Variants in MLLT3 observed in about 807,000 individuals in gnomAD.
MLLT3 encodes MLLT3 super elongation complex subunit, also known as protein AF-9.
A neutral mutation model predicts 53.2 loss-of-function variants in MLLT3; 4 were observed. That is an observed-to-expected ratio of 0.08 (90% confidence interval 0.04 to 0.17). MLLT3 has a LOEUF of 0.17. Ranked by LOEUF, MLLT3 falls within the 10% of genes least tolerant of loss-of-function variation. The probability of loss-of-function intolerance (pLI) is 1.00; values close to 1 mark genes in which losing one functional copy is unlikely to be tolerated. For missense variants in MLLT3, 569 were observed against 684.0 expected, an observed-to-expected ratio of 0.83 and a Z score of 1.87; for synonymous variants, 283 against 230.6, an observed-to-expected ratio of 1.23 and a Z score of -2.06.
intron 5 of MLLT3, among the ~76,000 whole-genome samples, chr9:20,384,461 T>C (rs1460905976): frequency 1.3e-5 from 2 of 152,092 alleles, no homozygotes; most frequent in Non-Finnish European, 2.9e-5. Context: ...GGTTTTGTTA[T>C]ACATAGAAGT....
chr9:20,588,505 C>T (rs10964626), intron 2 of MLLT3, among the ~76,000 whole-genome samples: 127,413 of 152,066 alleles, frequency 0.84, 53,584 homozygotes, highest in African/African-American at 0.89. Context: ...GTTTGTAACC[C>T]CTTTTATTTC....
rs3780828 is a variant in MLLT3, at chr9:20,367,761, G to C, written c.1126-2017C>G. ...AGAACAAATCTTTTTAATTCAAGGTGACCAAATTTGAGGACAAACTAAGAG... is the reference window on the plus strand; with the variant it reads ...AGAACAAATCTTTTTAATTCAAGGTCACCAAATTTGAGGACAAACTAAGAG... On this transcript the variant is annotated intron_variant, in intron 5 of 10. Coordinates refer to ENST00000380338, the MANE Select transcript of MLLT3 (RefSeq NM_004529.4). Among the ~76,000 whole-genome samples the C allele has an allele frequency of 1.2e-3, 186 of 152,152 alleles. 1 individual carries two copies. Among genetic ancestry groups the C allele is most frequent in the Non-Finnish European group, 1.4e-3 (94 of 68,008 alleles).
At chr9:20,526,332 TC>T (rs1465045017) in intron 2 of MLLT3, among the ~76,000 whole-genome samples, 2 of 152,240 alleles carry the variant, frequency 1.3e-5, no homozygotes, top group African/African-American at 4.8e-5. Context: ...CCAGAAGCCT[TC>T]CCCAGTACCC....
chr9:20,531,829 A>G (rs1818345576), intron 2 of MLLT3, among the ~76,000 whole-genome samples: 1 of 152,164 alleles, frequency 6.6e-6, no homozygotes, highest in African/African-American at 2.4e-5. Context: ...ATTCCCAAGA[A>G]AGCCTCTCAA....
At chr9:20,446,558 G>A (rs1241950047) in intron 4 of MLLT3, among the ~76,000 whole-genome samples, 4 of 152,048 alleles carry the variant, frequency 2.6e-5, no homozygotes, top group Non-Finnish European at 4.4e-5. Context: ...GAAGCATGAC[G>A]TACTAAAGTT....
chr9:20,616,039 A>G (rs183741043), intron 2 of MLLT3, among the ~76,000 whole-genome samples: 1 of 152,136 alleles, frequency 6.6e-6, no homozygotes, highest in East Asian at 1.9e-4. Flanking sequence ...TTAATTTCTA[A>G]TACACTAAAA....
intron 3 of MLLT3, among the ~76,000 whole-genome samples, chr9:20,451,989 C>G (rs1823849776): frequency 6.6e-6 from 1 of 152,180 alleles, no homozygotes; most frequent in East Asian, 1.9e-4. Flanking sequence ...TACCACCCCT[C>G]TTGACCCTGA....
intron 3 of MLLT3, among the ~76,000 whole-genome samples, chr9:20,449,909 G>A (rs1304590814): frequency 6.6e-6 from 1 of 152,130 alleles, no homozygotes; most frequent in Non-Finnish European, 1.5e-5. Context: ...AGTTTCCCAA[G>A]GAGATGACAC....
At chr9:20,402,789 G>A (rs1292992434) in intron 5 of MLLT3, among the ~76,000 whole-genome samples, 1 of 152,046 alleles carries the variant, frequency 6.6e-6, no homozygotes, top group African/African-American at 2.4e-5. Flanking sequence ...ACATCCTTTG[G>A]GATTTGCACC....
At chr9:20,584,741 C>A (rs1036197576) in intron 2 of MLLT3, among the ~76,000 whole-genome samples, 2 of 152,194 alleles carry the variant, frequency 1.3e-5, no homozygotes, top group Admixed American at 1.3e-4. Context: ...TCCCAAAACA[C>A]GTGGGAACTC....
chr9:20,457,105 A>C (rs1823988401), intron 2 of MLLT3, among the ~76,000 whole-genome samples: 1 of 152,052 alleles, frequency 6.6e-6, no homozygotes, highest in Non-Finnish European at 1.5e-5. Flanking sequence ...GAAACTGATG[A>C]TTGCTCCCTA....
chr9:20,501,964 C>A (rs538735490), intron 2 of MLLT3, among the ~76,000 whole-genome samples: 3 of 151,022 alleles, frequency 2.0e-5, no homozygotes, highest in Non-Finnish European at 4.4e-5. Context: ...ACCTGTAATC[C>A]CAGCTACTGG....
chr9:20,605,692 G>C lies in MLLT3; in HGVS notation c.193+14962C>G, dbSNP rs141388242. 3.0e-3 allele frequency among the ~76,000 whole-genome samples: 451 copies of C among 152,068 alleles called. 3 individuals are homozygous for C. Among genetic ancestry groups the C allele is most frequent in the African/African-American group, 0.01 (433 of 41,508 alleles). On this transcript the variant is annotated intron_variant, in intron 2 of 10. Transcript: ENST00000380338. The stretch of plus-strand genomic sequence containing the variant: ...TTTACTTCCACAAAGGTTTGGGCCA[G>C]AACAATTTTAGTCAGATTTTAAGCT...
chr9:20,351,589 G>A (rs1206404680), intron 10 of MLLT3, among the ~76,000 whole-genome samples: 2 of 152,104 alleles, frequency 1.3e-5, no homozygotes, highest in African/African-American at 4.8e-5. Flanking sequence ...TGCCCCCAGA[G>A]GAAAACAAAG....
rs577799560 is a variant in MLLT3, at chr9:20,366,921, CAT to C, written c.1126-1179_1126-1178del. Among the ~76,000 whole-genome samples, 5 of 152,304 alleles carry C rather than the reference CAT, an allele frequency of 3.3e-5. No individual in the cohort carries two copies. In the South Asian group the frequency reaches 6.2e-4, roughly 19 times the overall value. On this transcript the variant is annotated intron_variant, in intron 5 of 10. Coordinates refer to ENST00000380338, the MANE Select transcript of MLLT3 (RefSeq NM_004529.4). Reference sequence around the variant, plus strand: ...GTTCGATTGACTCAACTGGTTAAAACATAGTGGTAATGAGGCTAAGGTCATTA... The same window carrying C: ...GTTCGATTGACTCAACTGGTTAAAACAGTGGTAATGAGGCTAAGGTCATTA...
intron 2 of MLLT3, among the ~76,000 whole-genome samples, chr9:20,531,660 G>A (rs77853864): frequency 0.016 from 2,448 of 152,184 alleles, 63 homozygotes; most frequent in African/African-American, 0.055. Flanking sequence ...CAATTTCTAA[G>A]ACAAGAAGTA....
In MLLT3 at chr9:20,417,523, A is replaced by G. The variant is rs532877584; in HGVS notation, c.421-3098T>C. ...TTAGCATTCAATGTAAAGTTTACAC[A>G]TGTATAATTCAAATTCTCTTCGCCT... On this transcript the variant is annotated intron_variant, in intron 4 of 10. Transcript: ENST00000380338. Among the ~76,000 whole-genome samples, 34 of 152,006 alleles carry G rather than the reference A, an allele frequency of 2.2e-4. No homozygotes were observed. The South Asian group carries it at 6.4e-3, about 29-fold the overall frequency.
chr9:20,495,621 A>AT (rs1226818149), intron 2 of MLLT3, among the ~76,000 whole-genome samples: 1 of 152,240 alleles, frequency 6.6e-6, no homozygotes. Context: ...CCGGAACTAG[A>AT]TTTTTTAATA....
rs1379357955 is a variant in MLLT3 at position 20,621,749 on chromosome 9, A to G, written c.12+496T>C. The G allele has an allele frequency of 6.7e-7, 1 of 1,489,452 alleles. No homozygotes were observed. The highest frequency in any genetic ancestry group is 8.9e-7 in the Non-Finnish European group (1 of 1,127,664). 92.3% of individuals were successfully genotyped at this position (1,489,452 alleles called of 1,614,324 possible). ...GTCAGCCCCGCACACTTCGGCTCAC[A>G]CACGCGCGCCGCGGAGAACGCACCA... On this transcript the variant is annotated intron_variant, in intron 1 of 10. Transcript: ENST00000380338. The surrounding 1 kb of genome is among the most constrained non-coding windows in gnomAD (Gnocchi z 7.0).
Sources: allele counts gnomAD v4.1 joint callset (sites outside exome capture counted in the v4.1 genomes callset), GRCh38; gene constraint gnomAD v4.1.1; non-coding constraint Gnocchi (gnomAD v3.1); transcripts MANE v1.5; gene names NCBI Gene and HGNC (gene_info 2026-07-23, HGNC 2026-07-21).